RYR2: variants seen among roughly 807,000 people sequenced by gnomAD.
RYR2 encodes cardiac muscle ryanodine receptor-calcium release channel.
Under a neutral mutation model 601.1 loss-of-function variants are expected in RYR2, and 227 were observed. That is an observed-to-expected ratio of 0.38 (90% confidence interval 0.34 to 0.42). RYR2 has a LOEUF of 0.42. RYR2 is among the 10% of genes least tolerant of loss of function. RYR2 has a pLI of 1.00. For missense variants in RYR2, 4,646 were observed against 6,156.5 expected (o/e 0.75, Z 8.21); for synonymous variants, 2,223 against 2,175.1 (o/e 1.02, Z -0.61).
Position 237,176,611 on chromosome 1 carries a change from C to T in RYR2, c.49-93886C>T, listed in dbSNP as rs540203370. Reference sequence around the variant, plus strand: ...AAAACACCTTTAATATCACAGATTTCCTTATAGCAATATATGAACTTTCTG... The same window carrying T: ...AAAACACCTTTAATATCACAGATTTTCTTATAGCAATATATGAACTTTCTG... On this transcript the variant is annotated intron_variant, in intron 1 of 104. Coordinates refer to ENST00000366574, the MANE Select transcript of RYR2 (RefSeq NM_001035.3). 6.8e-4 allele frequency among the ~76,000 whole-genome samples: 103 copies of T among 151,928 alleles called. 1 individual carries two copies. Among genetic ancestry groups the T allele is most frequent in the African/African-American group, 2.2e-3 (93 of 41,466 alleles).
At position 237,655,833 on chromosome 1, in the gene RYR2, G is replaced by C; in HGVS notation, c.7978G>C (p.Glu2660Gln). The change falls in exon 53 of 105, where the codon GAA becomes CAA. Residue 2660 changes from glutamate (E) to glutamine (Q), a missense_variant. By Grantham distance (29) the Glu-to-Gln change is conservative (BLOSUM62 2). This residue lies in a region of RYR2 where 1,497 missense variants were observed against 1,842.6 expected (regional missense o/e 0.81). Transcript: ENST00000366574. ...CCATTTTTCCCAGAAATATGAACAA[G>C]AACTTTTCAAACTGGCACTGCCTTG... Reference protein sequence around the residue: ...DALSQKKYEQELFKLALPCLS... With the variant: ...DALSQKKYEQQLFKLALPCLS... 6.3e-7 allele frequency: 1 copy of C among 1,594,402 alleles called. No individual in the cohort carries two copies. The highest frequency in any genetic ancestry group is 8.5e-7 in the Non-Finnish European group (1 of 1,171,326).
intron 2 of RYR2, among the ~76,000 whole-genome samples, chr1:237,281,435 T>C (rs7536817): frequency 0.14 from 20,908 of 152,116 alleles, 2,505 homozygotes; most frequent in African/African-American, 0.33. Context: ...AAAACACTGA[T>C]GTCTAAGAGA....
chr1:237,769,856 T>C (rs893347464), intron 84 of RYR2, among the ~76,000 whole-genome samples: 18 of 152,158 alleles, frequency 1.2e-4, no homozygotes, highest in African/African-American at 3.4e-4. Context: ...GTGTTTTTTT[T>C]CCCCCCACGG....
At chr1:237,359,187 T>G (rs1353875675) in intron 4 of RYR2, among the ~76,000 whole-genome samples, 1 of 152,194 alleles carries the variant, frequency 6.6e-6, no homozygotes, top group Non-Finnish European at 1.5e-5. Context: ...AACACTTACA[T>G]TAGCTTACAG....
At chr1:237,776,440 C>T (rs1694662971) in intron 87 of RYR2, among the ~76,000 whole-genome samples, 1 of 152,148 alleles carries the variant, frequency 6.6e-6, no homozygotes, top group African/African-American at 2.4e-5. Flanking sequence ...GTGCACTGGC[C>T]ACTTTCAGAT....
intron 10 of RYR2, among the ~76,000 whole-genome samples, chr1:237,412,190 C>G (rs1025892645): frequency 1.3e-5 from 2 of 151,350 alleles, no homozygotes; most frequent in Admixed American, 1.3e-4. Flanking sequence ...TGTTTTATAG[C>G]CAAAAATACA....
At chr1:237,059,542 G>A (rs1662592932) in intron 1 of RYR2, among the ~76,000 whole-genome samples, 1 of 152,068 alleles carries the variant, frequency 6.6e-6, no homozygotes, top group African/African-American at 2.4e-5. Context: ...TGTGGGCAGG[G>A]AAAAATTATT....
intron 12 of RYR2, among the ~76,000 whole-genome samples, chr1:237,439,948 G>A (rs1162559933): frequency 6.6e-6 from 1 of 152,106 alleles, no homozygotes; most frequent in Non-Finnish European, 1.5e-5. Flanking sequence ...TAGATTAGTA[G>A]TTTATCTAGG....
rs149700730 is a variant in RYR2, at chr1:237,474,241, A to G, written c.1708+5054A>G. The stretch of plus-strand genomic sequence containing the variant: ...TGTGTAGATCTATACATATATATGT[A>G]TAGATATATACATATGTATAGATAC... On this transcript the variant is annotated intron_variant, in intron 17 of 104. Coordinates refer to ENST00000366574, the MANE Select transcript of RYR2 (RefSeq NM_001035.3). Among the ~76,000 whole-genome samples the G allele has an allele frequency of 4.3e-3, 613 of 141,282 alleles. 10 individuals carry two copies. The highest frequency in any genetic ancestry group is 0.015 in the African/African-American group (575 of 37,486). 92.7% of individuals were successfully genotyped at this position (141,282 alleles called of 152,430 possible). A position where few individuals can be genotyped will look rare whatever the true frequency, so the allele number is the denominator to read the frequency against.
chr1:237,806,210 A>C lies in RYR2; in HGVS notation c.14225A>C (p.His4742Pro). 6.2e-7 allele frequency: 1 copy of C among 1,613,236 alleles called. No homozygotes were observed. Among genetic ancestry groups the C allele is most frequent in the Non-Finnish European group, 8.5e-7 (1 of 1,179,350 alleles). ...GHYNNFFFAA[H>P]LLDIAMGFKT... ...TATAACAACTTTTTTTTTGCCGCTCACCTTCTCGACATTGCTATGGGATTC... is the reference window on the plus strand; with the variant it reads ...TATAACAACTTTTTTTTTGCCGCTCCCCTTCTCGACATTGCTATGGGATTC... Residue 4742 changes from histidine to proline, a missense_variant, in exon 99 of 105, where the codon CAC (histidine) becomes CCC (proline). His to Pro is a moderately conservative substitution (Grantham distance 77). This residue lies in a region of RYR2 where 76 missense variants were observed against 97.4 expected (regional missense o/e 0.78). Transcript: ENST00000366574.
At chr1:237,642,431 C>G (rs1201368318) in intron 47 of RYR2, among the ~76,000 whole-genome samples, 1 of 152,034 alleles carries the variant, frequency 6.6e-6, no homozygotes, top group Non-Finnish European at 1.5e-5. Context: ...CTGACAACAA[C>G]AACAAAAATA....
At position 237,657,983 on chromosome 1, in the gene RYR2, A is replaced by AT; in HGVS notation, c.8170dup (p.Tyr2724LeufsTer7). 1 of 1,521,474 alleles carries AT rather than the reference A, an allele frequency of 6.6e-7. No homozygotes were observed. The highest frequency in any genetic ancestry group is 8.8e-7 in the Non-Finnish European group (1 of 1,132,190). The allele number at this position is 1,521,474 out of a possible 1,614,324, so 94.2% of individuals were successfully genotyped here. On this transcript the variant is annotated frameshift_variant, in exon 54 of 105. Transcript: ENST00000366574. LOFTEE classifies it high-confidence loss of function. ...AGAAATTGGAATACTTCATTAACAA[A>AT]TATGCAGAACACTCCCATGACAAAT...
chr1:237,101,121 T>C (rs1668045471), intron 1 of RYR2, among the ~76,000 whole-genome samples: 1 of 152,094 alleles, frequency 6.6e-6, no homozygotes, highest in Admixed American at 6.5e-5. Flanking sequence ...GGCTCTGCTG[T>C]CTCAGGGGCA....
chr1:237,081,890 G>C (rs932088127), intron 1 of RYR2, among the ~76,000 whole-genome samples: 1 of 152,002 alleles, frequency 6.6e-6, no homozygotes, highest in African/African-American at 2.4e-5. Flanking sequence ...GCTCCACCAG[G>C]CACTACTTGG....
chr1:237,283,880 G>A (rs1279035159), intron 2 of RYR2, among the ~76,000 whole-genome samples: 1 of 152,102 alleles, frequency 6.6e-6, no homozygotes, highest in Non-Finnish European at 1.5e-5. Flanking sequence ...GTGGTGATTT[G>A]TGAGATTTTG....
At chr1:237,337,238 C>T (rs368837883) in intron 3 of RYR2, among the ~76,000 whole-genome samples, 3 of 131,276 alleles carry the variant, frequency 2.3e-5, no homozygotes, top group East Asian at 2.1e-4. Context: ...GGCAACAGAG[C>T]GAGTATCCAT....
At chr1:237,403,152 TTGAC>T (rs1304722004) in intron 10 of RYR2, among the ~76,000 whole-genome samples, 5 of 152,174 alleles carry the variant, frequency 3.3e-5, no homozygotes, top group African/African-American at 1.2e-4. Context: ...TTCTCCAAAA[TTGAC>T]TAACTATATT....
chr1:237,751,022 A>C (rs1692493352), intron 80 of RYR2, among the ~76,000 whole-genome samples: 1 of 152,202 alleles, frequency 6.6e-6, no homozygotes, highest in South Asian at 2.1e-4. Context: ...TATAGTTGTG[A>C]GTTTTCAAAA....
chr1:237,094,606 G>T (rs952369777), intron 1 of RYR2, among the ~76,000 whole-genome samples: 1 of 151,982 alleles, frequency 6.6e-6, no homozygotes, highest in African/African-American at 2.4e-5. Flanking sequence ...ACGGAGTCTC[G>T]CTCTGTCGCC....
Sources: allele counts gnomAD v4.1 joint callset (sites outside exome capture counted in the v4.1 genomes callset), GRCh38; gene constraint gnomAD v4.1.1; regional missense constraint gnomAD v4.1.1; transcripts MANE v1.5; gene names NCBI Gene and HGNC (gene_info 2026-07-23, HGNC 2026-07-21).